Variants in SLC24A2 observed in about 807,000 individuals in gnomAD.
SLC24A2 encodes the protein solute carrier family 24 member 2, also known as sodium/potassium/calcium exchanger 2.
SLC24A2 carries 36 observed loss-of-function variants against 62.0 expected under a neutral mutation model. The ratio of observed to expected loss-of-function variants is 0.58; its 90% CI spans 0.44 to 0.77. The LOEUF (loss-of-function observed/expected upper bound fraction) is 0.77. Among genes scored for constraint, SLC24A2 ranks in the 30% least tolerant of loss-of-function variants. SLC24A2 has a pLI of 0.00. For missense variants in SLC24A2, 846 were observed against 817.9 expected (o/e 1.03, Z -0.42); for synonymous variants, 358 against 294.0 (o/e 1.22, Z -2.23).
chr9:20,119,150 A>G, the SLC24A2 span, among the ~76,000 whole-genome samples: 1 of 152,122 alleles, frequency 6.6e-6, no homozygotes, highest in Non-Finnish European at 1.5e-5. Context: ...TAATTATACT[A>G]ATAACCTAAT....
chr9:20,053,624 G>A, the SLC24A2 span, among the ~76,000 whole-genome samples: 4 of 152,094 alleles, frequency 2.6e-5, no homozygotes, highest in Admixed American at 6.6e-5. Flanking sequence ...GTGGAACCCT[G>A]ATGAATGAGA....
the SLC24A2 span, among the ~76,000 whole-genome samples, chr9:20,054,864 G>A: frequency 6.6e-6 from 1 of 152,186 alleles, no homozygotes; most frequent in Admixed American, 6.5e-5. Context: ...TCTGATTAAT[G>A]TTGCCTCCTC....
the SLC24A2 span, among the ~76,000 whole-genome samples, chr9:19,803,751 G>T: frequency 6.6e-6 from 1 of 152,114 alleles, no homozygotes; most frequent in Non-Finnish European, 1.5e-5. Flanking sequence ...GTCAGCTTAT[G>T]GTGCTAGAGT....
chr9:19,546,951 C>G (rs921987691), intron 8 of SLC24A2, among the ~76,000 whole-genome samples: 2 of 152,082 alleles, frequency 1.3e-5, no homozygotes, highest in Non-Finnish European at 2.9e-5. Context: ...ATTTCCTGAC[C>G]CCTTGCACTT....
chr9:19,636,279 T>TTCTCTTCTTTTC (rs200792136), intron 2 of SLC24A2, among the ~76,000 whole-genome samples: 1 of 54,866 alleles, frequency 1.8e-5, no homozygotes, highest in Admixed American at 1.8e-4. Context: ...TCTTCTTCTC[T>TTCTCTTCTTTTC]TCTTCTCTTC....
At chr9:19,831,837 T>C in the SLC24A2 span, among the ~76,000 whole-genome samples, 64 of 152,334 alleles carry the variant, frequency 4.2e-4, no homozygotes, top group Middle Eastern at 0.02. Flanking sequence ...CAAATCATAA[T>C]TGCATTTCCT....
the SLC24A2 span, among the ~76,000 whole-genome samples, chr9:20,185,483 G>A: frequency 6.6e-6 from 1 of 151,960 alleles, no homozygotes; most frequent in Non-Finnish European, 1.5e-5. Flanking sequence ...GGCTAACACG[G>A]TGAAACCCCG....
At chr9:19,750,759 T>A (rs1821958522) in intron 2 of SLC24A2, among the ~76,000 whole-genome samples, 1 of 152,180 alleles carries the variant, frequency 6.6e-6, no homozygotes, top group South Asian at 2.1e-4. Context: ...TTGGTCTGTT[T>A]CCAGCTTCTC....
chr9:19,617,962 T>C (rs1011635340), intron 4 of SLC24A2, among the ~76,000 whole-genome samples: 1 of 152,162 alleles, frequency 6.6e-6, no homozygotes, highest in African/African-American at 2.4e-5. Context: ...TGGTTTGGAA[T>C]AAAGTGCTGC....
At chr9:20,265,265 A>C in the SLC24A2 span, among the ~76,000 whole-genome samples, 1 of 152,212 alleles carries the variant, frequency 6.6e-6, no homozygotes, top group South Asian at 2.1e-4. Flanking sequence ...AAGGCAGGGT[A>C]TCCATGGGCC....
chr9:19,621,806 A>G (rs548134352), intron 3 of SLC24A2, among the ~76,000 whole-genome samples: 1 of 152,216 alleles, frequency 6.6e-6, no homozygotes, highest in Admixed American at 6.5e-5. Context: ...TCTTTTGTGT[A>G]TTATATATAC....
chr9:19,733,980 G>C (rs540767213), intron 2 of SLC24A2, among the ~76,000 whole-genome samples: 31 of 152,214 alleles, frequency 2.0e-4, no homozygotes, highest in Non-Finnish European at 4.0e-4. Flanking sequence ...GGTGGGGTGA[G>C]GTTACTTTAA....
chr9:19,872,429 TGA>T, the SLC24A2 span, among the ~76,000 whole-genome samples: 1 of 152,186 alleles, frequency 6.6e-6, no homozygotes, highest in African/African-American at 2.4e-5. Flanking sequence ...TTCTAGTGAT[TGA>T]GGTTGTTGTA....
the SLC24A2 span, among the ~76,000 whole-genome samples, chr9:20,041,175 C>T: frequency 2.7e-5 from 4 of 149,808 alleles, no homozygotes; most frequent in Admixed American, 2.7e-4. Flanking sequence ...CGCACGTGTG[C>T]GCGCAGAAGC....
At chr9:19,790,134 C>A (rs80175736), upstream of SLC24A2, among the ~76,000 whole-genome samples, 230 of 151,896 alleles carry the variant, frequency 1.5e-3, 2 homozygotes, top group Non-Finnish European at 2.3e-3. Context: ...CTGAATCTTG[C>A]TATGTTGCCC....
chr9:19,708,432 G>C (rs765927972), intron 2 of SLC24A2, among the ~76,000 whole-genome samples: 13 of 152,068 alleles, frequency 8.5e-5, no homozygotes, highest in Admixed American at 2.6e-4. Flanking sequence ...AACCAAAAAA[G>C]AGCCTGCATC....
At chr9:19,924,192 C>G in the SLC24A2 span, among the ~76,000 whole-genome samples, 5 of 152,194 alleles carry the variant, frequency 3.3e-5, no homozygotes, top group Non-Finnish European at 5.9e-5. Flanking sequence ...ATGGGTGTTA[C>G]TATCAAACTG....
chr9:19,814,361 G>A, the SLC24A2 span, among the ~76,000 whole-genome samples: 1 of 152,080 alleles, frequency 6.6e-6, no homozygotes, highest in African/African-American at 2.4e-5. Context: ...GATAGGGAGT[G>A]GTTTTCACAT....
chr9:20,105,567 T>C, the SLC24A2 span, among the ~76,000 whole-genome samples: 28 of 152,018 alleles, frequency 1.8e-4, no homozygotes, highest in South Asian at 2.5e-3. Flanking sequence ...CTCAACTACA[T>C]GGAAACTGAA....
Sources: gnomAD v4.1 joint callset for allele counts (sites outside exome capture counted in the v4.1 genomes callset) on GRCh38, gnomAD v4.1.1 for gene constraint, MANE v1.5 for transcripts, NCBI Gene and HGNC (gene_info 2026-07-23, HGNC 2026-07-21) for gene names.